PACRG: variants seen among roughly 807,000 people sequenced by gnomAD.
The protein encoded by PACRG is parkin coregulated gene protein.
In PACRG, 29 loss-of-function variants were observed where a neutral mutation model predicts 29.7. The observed-to-expected ratio is 0.98, with a 90% CI of 0.73 to 1.33. The LOEUF (loss-of-function observed/expected upper bound fraction) is 1.33. Ranked by LOEUF, PACRG falls within the 40% of genes most tolerant of loss-of-function variation. PACRG has a pLI of 0.00. For synonymous variants in PACRG, 116 were observed against 118.7 expected (o/e 0.98, Z 0.15); for missense variants, 279 against 316.2 (o/e 0.88, Z 0.89).
intron 2 of PACRG, among the ~76,000 whole-genome samples, chr6:162,926,231 A>T (rs1797430611): frequency 6.6e-6 from 1 of 152,220 alleles, no homozygotes; most frequent in African/African-American, 2.4e-5. Flanking sequence ...CATACTGCCC[A>T]AAGTAATTTA....
At chr6:163,000,851 G>A (rs1479245525) in intron 2 of PACRG, among the ~76,000 whole-genome samples, 1 of 152,236 alleles carries the variant, frequency 6.6e-6, no homozygotes, top group Non-Finnish European at 1.5e-5. Context: ...TTAGAGAGGA[G>A]AGAATTAGGA....
chr6:162,951,168 C>T (rs1799619173), intron 2 of PACRG, among the ~76,000 whole-genome samples: 1 of 152,154 alleles, frequency 6.6e-6, no homozygotes, highest in African/African-American at 2.4e-5. Flanking sequence ...AGTTTGCAAA[C>T]TGGGGAGACA....
intron 2 of PACRG, among the ~76,000 whole-genome samples, chr6:163,041,250 T>C (rs527407831): frequency 3.4e-4 from 52 of 152,102 alleles, no homozygotes; most frequent in Middle Eastern, 3.4e-3. Flanking sequence ...GGCAGGAGAA[T>C]GGCGTGAACC....
intron 2 of PACRG, among the ~76,000 whole-genome samples, chr6:162,995,070 G>A (rs1016265126): frequency 3.3e-5 from 5 of 151,260 alleles, no homozygotes; most frequent in African/African-American, 9.8e-5. Context: ...AGGGGTCAGG[G>A]ACCCACTTGA....
intron 4 of PACRG, among the ~76,000 whole-genome samples, chr6:163,303,112 C>T (rs986780178): frequency 2.0e-5 from 3 of 152,140 alleles, no homozygotes; most frequent in Non-Finnish European, 4.4e-5. Flanking sequence ...GGGTGGATGA[C>T]TTAAGTCGAG....
chr6:163,233,493 G>A (rs1782124798), intron 4 of PACRG, among the ~76,000 whole-genome samples: 1 of 152,202 alleles, frequency 6.6e-6, no homozygotes, highest in African/African-American at 2.4e-5. Context: ...ACTTTTGCAT[G>A]CTAGCCCAAA....
At chr6:162,995,481 T>G (rs1310194970) in intron 2 of PACRG, among the ~76,000 whole-genome samples, 2 of 152,148 alleles carry the variant, frequency 1.3e-5, no homozygotes, top group Non-Finnish European at 2.9e-5. Context: ...AGCGCAGTAT[T>G]CGGGTGGGAG....
intron 4 of PACRG, among the ~76,000 whole-genome samples, chr6:163,147,295 T>C (rs1316806098): frequency 6.6e-6 from 1 of 152,240 alleles, no homozygotes; most frequent in East Asian, 1.9e-4. Context: ...TATTTATTTC[T>C]CAAATATAGA....
At chr6:163,094,659 G>C (rs1814409883) in intron 4 of PACRG, among the ~76,000 whole-genome samples, 1 of 152,182 alleles carries the variant, frequency 6.6e-6, no homozygotes, top group Non-Finnish European at 1.5e-5. Flanking sequence ...AGAATCAGGT[G>C]CCTAATATGT....
intron 2 of PACRG, among the ~76,000 whole-genome samples, chr6:163,058,996 T>G (rs1188862371): frequency 2.1e-5 from 3 of 144,084 alleles, no homozygotes; most frequent in South Asian, 2.2e-4. Flanking sequence ...GGAGAATCGC[T>G]TGAACCCGGG....
chr6:163,286,982 G>T (rs1304599510), intron 4 of PACRG, among the ~76,000 whole-genome samples: 1 of 151,808 alleles, frequency 6.6e-6, no homozygotes, highest in Non-Finnish European at 1.5e-5. Context: ...ATGTGTTTGT[G>T]TATCTGTATA....
intron 4 of PACRG, among the ~76,000 whole-genome samples, chr6:163,259,199 G>A (rs182056049): frequency 1.4e-4 from 21 of 152,238 alleles, no homozygotes; most frequent in African/African-American, 4.6e-4. Context: ...TCCTTTCAAC[G>A]TGCCACACTG....
intron 4 of PACRG, among the ~76,000 whole-genome samples, chr6:163,120,437 A>AT (rs1446305407): frequency 6.6e-6 from 1 of 152,150 alleles, no homozygotes; most frequent in Non-Finnish European, 1.5e-5. Context: ...GGGGTGAGGC[A>AT]TTTTAGCTCC....
chr6:162,894,658 T>A (rs1795029548), intron 2 of PACRG, among the ~76,000 whole-genome samples: 1 of 152,170 alleles, frequency 6.6e-6, no homozygotes, highest in Non-Finnish European at 1.5e-5. Flanking sequence ...ATTATGCAAT[T>A]TTTAAAAAAA....
At position 162,998,142 on chromosome 6, in the gene PACRG, C is replaced by T. The variant is rs760815922; in HGVS notation, c.292-64008C>T. ...CGCTGGTAGTGCGTCATAATAGGGG[C>T]AGGCTGTCAATGTTGTTACTAACAT... On this transcript the variant is annotated intron_variant, in intron 2 of 4. Transcript: ENST00000366888. 5.9e-5 allele frequency among the ~76,000 whole-genome samples: 9 copies of T among 152,202 alleles called. 1 individual carries two copies.
chr6:163,273,184 C>T lies in PACRG; in HGVS notation c.614-41643C>T, dbSNP rs371665273. On this transcript the variant is annotated intron_variant, in intron 4 of 4. Transcript: ENST00000366888. The stretch of plus-strand genomic sequence containing the variant: ...CTGGGATTACAGGCGTGAGCCACCG[C>T]GCCCGGCCTGCATCATTCTTTTGAT... Among the ~76,000 whole-genome samples, 20 of 146,892 alleles carry T rather than the reference C, an allele frequency of 1.4e-4. 2 individuals are homozygous for T. The highest frequency in any genetic ancestry group is 2.7e-4 in the African/African-American group (10 of 36,476).
chr6:162,755,674 T>A (rs1429445047), intron 1 of PACRG, among the ~76,000 whole-genome samples: 1 of 152,172 alleles, frequency 6.6e-6, no homozygotes, highest in Non-Finnish European at 1.5e-5. Flanking sequence ...TGACCTCAAA[T>A]GGTCCACCCA....
intron 4 of PACRG, among the ~76,000 whole-genome samples, chr6:163,228,993 T>G (rs1781916125): frequency 2.6e-5 from 4 of 152,210 alleles, no homozygotes; most frequent in Admixed American, 2.6e-4. Flanking sequence ...AGAATCTCCT[T>G]CTGATGTTTT....
intron 1 of PACRG, among the ~76,000 whole-genome samples, chr6:162,758,780 G>T (rs1423922458): frequency 6.6e-6 from 1 of 152,104 alleles, no homozygotes; most frequent in African/African-American, 2.4e-5. Flanking sequence ...ACCATTACCT[G>T]CTAAATATAC....
Sources: allele counts gnomAD v4.1 joint callset (sites outside exome capture counted in the v4.1 genomes callset), GRCh38; gene constraint gnomAD v4.1.1; transcripts MANE v1.5; gene names NCBI Gene and HGNC (gene_info 2026-07-23, HGNC 2026-07-21).